ZDHHC17: variants seen among roughly 807,000 people sequenced by gnomAD.
The protein encoded by ZDHHC17 is zDHHC palmitoyltransferase 17.
Under a neutral mutation model 90.3 loss-of-function variants are expected in ZDHHC17, and 40 were observed. The observed-to-expected ratio is 0.44, with a 90% confidence interval of 0.34 to 0.58. ZDHHC17 has a LOEUF of 0.58. Ranked by LOEUF, ZDHHC17 falls within the 20% of genes least tolerant of loss-of-function variation. The probability of loss-of-function intolerance (pLI) is 0.01; values close to 1 mark genes in which losing one functional copy is unlikely to be tolerated. For missense variants in ZDHHC17, 614 were observed against 780.8 expected, an observed-to-expected ratio of 0.79 and a Z score of 2.55; for synonymous variants, 235 against 252.4, an observed-to-expected ratio of 0.93 and a Z score of 0.65.
At chr12:76,837,506 TCTTTA>T in intron 10 of ZDHHC17, among the ~76,000 whole-genome samples, 1 of 152,118 alleles carries the variant, frequency 6.6e-6, no homozygotes, top group Admixed American at 6.5e-5. Context: ...GTTAAAAAAC[TCTTTA>T]CTTAAGAACA....
intron 2 of ZDHHC17, among the ~76,000 whole-genome samples, chr12:76,803,342 C>A (rs917327180): frequency 6.6e-6 from 1 of 152,098 alleles, no homozygotes; most frequent in Non-Finnish European, 1.5e-5. Context: ...TTGTCCTTTC[C>A]CGCATTGTGG....
intron 13 of ZDHHC17, 123 bp downstream of exon 13, chr12:76,845,925 C>A (rs1162176212): frequency 6.0e-6 from 3 of 497,830 alleles, no homozygotes; most frequent in Non-Finnish European, 1.1e-5. Context: ...TCTCAGTTAT[C>A]TTCTGGTTGA....
intron 1 of ZDHHC17, among the ~76,000 whole-genome samples, chr12:76,766,529 G>A (rs1214323155): frequency 6.6e-6 from 1 of 152,194 alleles, no homozygotes; most frequent in Non-Finnish European, 1.5e-5. Context: ...AAAATAAGCA[G>A]TGTTTTCAGT....
chr12:76,850,652 AATC>A (rs1245814995), intron 16 of ZDHHC17, among the ~76,000 whole-genome samples, 192 bp from the exon 17 acceptor site: 2 of 152,216 alleles, frequency 1.3e-5, no homozygotes, highest in African/African-American at 2.4e-5. Flanking sequence ...CAAAAGAAAA[AATC>A]ATTGTTGGCA....
At chr12:76,845,027 A>C (rs1353140423) in intron 12 of ZDHHC17, 3 of 104,392 alleles carry the variant, frequency 2.9e-5, no homozygotes, top group Non-Finnish European at 5.9e-5. Flanking sequence ...TCAATAGCTG[A>C]ATAATGAATT....
At chr12:76,813,842 A>AT (rs1207568546) in intron 5 of ZDHHC17, among the ~76,000 whole-genome samples, 3 of 152,058 alleles carry the variant, frequency 2.0e-5, no homozygotes, top group African/African-American at 7.2e-5. Flanking sequence ...TGTATTTCAC[A>AT]TTTTTTAATG....
At chr12:76,837,700 T>C (rs1592496360) in intron 10 of ZDHHC17, among the ~76,000 whole-genome samples, 1 of 152,226 alleles carries the variant, frequency 6.6e-6, no homozygotes, top group Non-Finnish European at 1.5e-5. Flanking sequence ...TCTGAAATTT[T>C]CTGTTAGGAT....
At chr12:76,766,003 A>G (rs761457933) in intron 1 of ZDHHC17, among the ~76,000 whole-genome samples, 22 of 152,196 alleles carry the variant, frequency 1.4e-4, no homozygotes, top group Non-Finnish European at 2.8e-4. Flanking sequence ...TGCCAGGCCT[A>G]TCTTACGTAT....
intron 1 of ZDHHC17, among the ~76,000 whole-genome samples, chr12:76,772,167 A>G (rs1043229827): frequency 1.3e-5 from 2 of 152,238 alleles, no homozygotes; most frequent in Non-Finnish European, 2.9e-5. Flanking sequence ...GTTAAGTAGT[A>G]ATCCAGGTTG....
chr12:76,765,289 G>C (rs1223631940), intron 1 of ZDHHC17, among the ~76,000 whole-genome samples: 1 of 152,180 alleles, frequency 6.6e-6, no homozygotes, highest in Non-Finnish European at 1.5e-5. Flanking sequence ...TTTTTTTCTG[G>C]ATTTGGGTTT....
chr12:76,771,905 A>C (rs1952496822), intron 1 of ZDHHC17, among the ~76,000 whole-genome samples: 2 of 152,204 alleles, frequency 1.3e-5, no homozygotes, highest in African/African-American at 4.8e-5. Context: ...TGCAGTTGAA[A>C]TCAAACACAA....
chr12:76,847,455 CTT>C (rs1953507919), intron 14 of ZDHHC17, among the ~76,000 whole-genome samples: 1 of 152,222 alleles, frequency 6.6e-6, no homozygotes, highest in Non-Finnish European at 1.5e-5. Context: ...GGTCAAAGAA[CTT>C]GACCTAATTT....
At chr12:76,846,801 CT>C in intron 14 of ZDHHC17, 122 bp downstream of exon 14, 2 of 782,216 alleles carry the variant, frequency 2.6e-6, no homozygotes, top group Non-Finnish European at 4.1e-6. Flanking sequence ...GTTTGGACAC[CT>C]TATGAAGCAC....
At chr12:76,774,837 A>G (rs1952540189) in intron 1 of ZDHHC17, among the ~76,000 whole-genome samples, 1 of 152,222 alleles carries the variant, frequency 6.6e-6, no homozygotes, top group African/African-American at 2.4e-5. Context: ...TTTGTGACTT[A>G]TAGTTAATGG....
chr12:76,847,957 T>C (rs1202586025), intron 14 of ZDHHC17, among the ~76,000 whole-genome samples: 1 of 152,236 alleles, frequency 6.6e-6, no homozygotes, highest in Non-Finnish European at 1.5e-5. Flanking sequence ...AAAATGTTTT[T>C]CTAAGTATTA....
chr12:76,820,323 T>C (rs1953149303), intron 7 of ZDHHC17, among the ~76,000 whole-genome samples: 1 of 152,120 alleles, frequency 6.6e-6, no homozygotes, highest in African/African-American at 2.4e-5. Context: ...GGGAAACAAA[T>C]GATTTGGAAT....
chr12:76,803,024 G>A (rs1041653173), intron 2 of ZDHHC17, among the ~76,000 whole-genome samples: 12 of 152,084 alleles, frequency 7.9e-5, no homozygotes, highest in African/African-American at 2.9e-4. Flanking sequence ...GGCTGAGGTG[G>A]GCAGATCGCT....
At chr12:76,843,280 A>G (rs917294593) in intron 12 of ZDHHC17, among the ~76,000 whole-genome samples, 1 of 152,178 alleles carries the variant, frequency 6.6e-6, no homozygotes, top group Non-Finnish European at 1.5e-5. Flanking sequence ...TTTCAGATCA[A>G]AGATTTATAA....
In ZDHHC17 at chr12:76,805,313, C is replaced by T; in HGVS notation, c.198-4C>T. On this transcript the variant is annotated splice_polypyrimidine_tract_variant and splice_region_variant and intron_variant, in intron 2 of 16. Transcript: ENST00000426126. ...AACAATGCCATATTTTCTTTCTTTT[C>T]TAGATATGGAATATATGAACGCTGT... 6.3e-7 allele frequency: 1 copy of T among 1,587,052 alleles called. No homozygotes were observed.
Sources: allele counts gnomAD v4.1 joint callset (sites outside exome capture counted in the v4.1 genomes callset), GRCh38; gene constraint gnomAD v4.1.1; transcripts MANE v1.5; gene names NCBI Gene and HGNC (gene_info 2026-07-23, HGNC 2026-07-21).